The following CEP63 variants were observed in gnomAD, a reference collection of about 807,000 sequenced individuals.
CEP63 encodes the protein centrosomal protein of 63 kDa.
Under a neutral mutation model 89.1 loss-of-function variants are expected in CEP63, and 84 were observed. That is an observed-to-expected ratio of 0.94 (90% CI 0.79 to 1.13). The LOEUF (loss-of-function observed/expected upper bound fraction) is 1.13, where lower values mean the gene tolerates loss of function less well. CEP63 is among the 50% of genes most tolerant of loss of function. CEP63 has a pLI of 0.00. For missense variants in CEP63, 838 were observed against 813.3 expected (o/e 1.03, Z -0.37); for synonymous variants, 267 against 272.5 (o/e 0.98, Z 0.20).
Position 134,531,455 on chromosome 3 carries a change from C to T in CEP63, c.223-390C>T, listed in dbSNP as rs1045999625. Among the ~76,000 whole-genome samples the T allele has an allele frequency of 2.0e-5, 3 of 152,130 alleles. 1 individual carries two copies. In the South Asian group the frequency reaches 6.2e-4, roughly 32 times the overall value. On this transcript the variant is annotated intron_variant, in intron 3 of 14. Coordinates refer to ENST00000675561, the MANE Select transcript of CEP63 (RefSeq NM_001353108.3). Reference sequence around the variant, plus strand: ...AAAATTCGCCAGGTGTGGTGGCATGCGCCTGTAATCCCAGCTACTTGGGAG... The same window carrying T: ...AAAATTCGCCAGGTGTGGTGGCATGTGCCTGTAATCCCAGCTACTTGGGAG...
At chr3:134,590,247 GA>G (rs1288633895), downstream of CEP63, among the ~76,000 whole-genome samples, 4 of 151,818 alleles carry the variant, frequency 2.6e-5, no homozygotes, top group African/African-American at 9.7e-5. Flanking sequence ...AACAGAAGTT[GA>G]AAAAAATAAT....
intron 1 of CEP63, among the ~76,000 whole-genome samples, chr3:134,488,900 G>A (rs1333853289): frequency 6.6e-6 from 1 of 152,120 alleles, no homozygotes; most frequent in Non-Finnish European, 1.5e-5. Context: ...GCTCACGCCT[G>A]TAATCCCAGC....
rs182753492 is a variant in CEP63, at chr3:134,571,419, C to T, written c.1330-3374C>T. ...TACAAAGGCCGGGTGTGGTGGCTCA[C>T]GCCTGTAATCCCAGCGCTTTGGGAG... On this transcript the variant is annotated intron_variant, in intron 11 of 11. Transcript: ENST00000354446. Among the ~76,000 whole-genome samples, 8 of 152,302 alleles carry T rather than the reference C, an allele frequency of 5.3e-5. No individual in the cohort carries two copies. The East Asian group carries it at 1.4e-3, about 26-fold the overall frequency.
At chr3:134,676,373 A>C in the CEP63 span, among the ~76,000 whole-genome samples, 1 of 152,240 alleles carries the variant, frequency 6.6e-6, no homozygotes, top group Admixed American at 6.5e-5. Context: ...AAATGTACAG[A>C]ATGGGCAAGT....
At chr3:134,761,766 A>G in the CEP63 span, among the ~76,000 whole-genome samples, 6 of 152,134 alleles carry the variant, frequency 3.9e-5, no homozygotes, top group East Asian at 5.8e-4. Context: ...CTGAATGTCA[A>G]TCTCAAGAGA....
At chr3:134,614,468 C>T in the CEP63 span, among the ~76,000 whole-genome samples, 2 of 151,966 alleles carry the variant, frequency 1.3e-5, no homozygotes, top group South Asian at 4.2e-4. Context: ...AGCTGCAGCC[C>T]CCACTCTCCA....
the CEP63 span, among the ~76,000 whole-genome samples, chr3:134,765,509 C>A: frequency 6.6e-6 from 1 of 152,188 alleles, no homozygotes; most frequent in Admixed American, 6.5e-5. Flanking sequence ...CATGTAGGGT[C>A]TCCTGGAGGA....
intron 3 of CEP63, among the ~76,000 whole-genome samples, chr3:134,518,700 A>G (rs2108703027): frequency 6.6e-6 from 1 of 152,276 alleles, no homozygotes; most frequent in Non-Finnish European, 1.5e-5. Flanking sequence ...AGCTAAAATT[A>G]TATATATTAG....
At chr3:134,747,037 A>C in the CEP63 span, among the ~76,000 whole-genome samples, 1 of 152,082 alleles carries the variant, frequency 6.6e-6, no homozygotes, top group Non-Finnish European at 1.5e-5. Flanking sequence ...GTTTTCTTCT[A>C]GGGTTTTTAT....
chr3:134,711,070 A>G, the CEP63 span, among the ~76,000 whole-genome samples: 1 of 152,086 alleles, frequency 6.6e-6, no homozygotes, highest in Non-Finnish European at 1.5e-5. Flanking sequence ...AATTTTATGT[A>G]CACACATGAC....
intron 3 of CEP63, among the ~76,000 whole-genome samples, chr3:134,511,968 C>T (rs1424567881): frequency 5.3e-5 from 8 of 152,166 alleles, no homozygotes; most frequent in Non-Finnish European, 1.0e-4. Context: ...CACTGCTAAT[C>T]AAATGACAGG....
Position 134,546,168 on chromosome 3 carries a change from G to C in CEP63, c.809G>C (p.Arg270Thr), listed in dbSNP as rs759139529. The C allele has an allele frequency of 1.9e-6, 3 of 1,613,816 alleles. No individual in the cohort carries two copies. The highest frequency in any genetic ancestry group is 2.5e-6 in the Non-Finnish European group (3 of 1,179,940). Residue 270 changes from arginine to threonine, a missense_variant, in exon 8 of 15, where the codon AGA (arginine) becomes ACA (threonine). Physicochemically the swap from Arg to Thr is moderately conservative, Grantham distance 71 (BLOSUM62 -1). Transcript: ENST00000675561. ...KLLEALQEEK[R>T]ELKAALQSQE... ...TTGCAGGCTCTGCAGGAAGAAAAGA[G>C]AGAATTGAAGGCAGCTCTTCAGTCT... is the stretch of plus-strand genomic sequence containing the variant.
At chr3:134,637,910 T>C in the CEP63 span, among the ~76,000 whole-genome samples, 1 of 152,254 alleles carries the variant, frequency 6.6e-6, no homozygotes, top group Non-Finnish European at 1.5e-5. Flanking sequence ...AGCACGGCCC[T>C]GGCCCAGATG....
chr3:134,651,243 AGGG>A, the CEP63 span: 3 of 1,238,294 alleles, frequency 2.4e-6, no homozygotes, highest in Admixed American at 1.1e-4. Flanking sequence ...CATAGTCAGC[AGGG>A]GCGGCCGGTC....
chr3:134,656,311 G>T, the CEP63 span, among the ~76,000 whole-genome samples: 1 of 152,172 alleles, frequency 6.6e-6, no homozygotes, highest in East Asian at 1.9e-4. Context: ...TGATGGAGGT[G>T]AAAGAGAAAA....
chr3:134,494,092 ATATTTATTTATTTATT>A (rs56200311), intron 1 of CEP63, among the ~76,000 whole-genome samples: 43 of 143,598 alleles, frequency 3.0e-4, no homozygotes, highest in East Asian at 6.1e-4. Context: ...CCTTTATTTT[ATATTTATTTATTTATT>A]TATTTATTTA....
At chr3:134,752,892 C>A in the CEP63 span, among the ~76,000 whole-genome samples, 1 of 152,062 alleles carries the variant, frequency 6.6e-6, no homozygotes, top group African/African-American at 2.4e-5. Context: ...TTGCTGGTGA[C>A]CTGCTCTGCC....
In CEP63 at chr3:134,558,049, C is replaced by A. The variant is rs1321441750; in HGVS notation, c.1468-93C>A. The A allele has an allele frequency of 1.0e-5, 11 of 1,078,110 alleles. No individual in the cohort carries two copies. In the African/African-American group the frequency reaches 1.3e-4, roughly 12 times the overall value. The allele number at this position is 1,078,110 out of a possible 1,614,324, so 66.8% of individuals were successfully genotyped here. A position where few individuals can be genotyped will look rare whatever the true frequency, so the allele number is the denominator to read the frequency against. ...ATTAAAGCCATAGATTAACTACTTACAACTAAAAAACACTGAATTTTCCAA... is the reference window on the plus strand; with the variant it reads ...ATTAAAGCCATAGATTAACTACTTAAAACTAAAAAACACTGAATTTTCCAA... On this transcript the variant is annotated intron_variant, in intron 12 of 14. Transcript: ENST00000675561.
In CEP63 at chr3:134,564,974, C is replaced by G. The variant is rs1213730175; in HGVS notation, c.*3439C>G. 1 of 976,336 alleles carries G rather than the reference C, an allele frequency of 1.0e-6. No individual in the cohort carries two copies. The highest frequency in any genetic ancestry group is 1.2e-6 in the Non-Finnish European group (1 of 821,830). The allele number at this position is 976,336 out of a possible 1,614,324, so 60.5% of individuals were successfully genotyped here. A position where few individuals can be genotyped will look rare whatever the true frequency, so the allele number is the denominator to read the frequency against. On this transcript the variant is annotated 3_prime_UTR_variant, in exon 15 of 15. Coordinates refer to ENST00000675561, the MANE Select transcript of CEP63 (RefSeq NM_001353108.3). ...AGAACATTTGACTGTAATTTAATGT[C>G]TCACCATTTTTCAAAAAGATATATT...
Sources: allele counts gnomAD v4.1 joint callset (sites outside exome capture counted in the v4.1 genomes callset), GRCh38; gene constraint gnomAD v4.1.1; transcripts MANE v1.5; gene names NCBI Gene and HGNC (gene_info 2026-07-23, HGNC 2026-07-21).